DLGAP2: variants seen among roughly 807,000 people sequenced by gnomAD.
The protein encoded by DLGAP2 is DLG associated protein 2, also known as disks large-associated protein 2.
DLGAP2 carries 26 observed loss-of-function variants against 100.3 expected under a neutral mutation model. The ratio of observed to expected loss-of-function variants is 0.26; its 90% CI spans 0.19 to 0.36. The LOEUF is 0.36. DLGAP2 is among the 10% of genes least tolerant of loss of function. DLGAP2 has a pLI of 1.00. For synonymous variants in DLGAP2, 886 were observed against 630.1 expected, an observed-to-expected ratio of 1.41 and a Z score of -6.08; for missense variants, 1,858 against 1,453.2, an observed-to-expected ratio of 1.28 and a Z score of -4.53.
intron 2 of DLGAP2, among the ~76,000 whole-genome samples, chr8:1,146,818 C>T (rs1414264433): frequency 6.6e-6 from 1 of 152,234 alleles, no homozygotes; most frequent in Non-Finnish European, 1.5e-5. Context: ...AGTCCCCACA[C>T]AAGGGTAGGC....
chr8:1,178,960 G>T (rs373055293), intron 2 of DLGAP2, among the ~76,000 whole-genome samples: 15 of 151,292 alleles, frequency 9.9e-5, no homozygotes, highest in African/African-American at 3.4e-4. Context: ...CGCCGCCCTG[G>T]TCTCGTCTCC....
intron 2 of DLGAP2, among the ~76,000 whole-genome samples, chr8:1,128,573 G>A (rs1006361325): frequency 6.6e-6 from 1 of 152,188 alleles, no homozygotes; most frequent in Non-Finnish European, 1.5e-5. Flanking sequence ...CTGGGTGTGC[G>A]GCAGGCTCAA....
At chr8:1,146,724 T>C (rs13249033) in intron 2 of DLGAP2, among the ~76,000 whole-genome samples, 133,957 of 152,204 alleles carry the variant, frequency 0.88, 59,058 homozygotes, top group African/African-American at 0.9. Context: ...TTCCTTTTCC[T>C]AAGGCATATC....
At chr8:1,650,232 T>C (rs1310598826) in intron 8 of DLGAP2, among the ~76,000 whole-genome samples, 1 of 152,242 alleles carries the variant, frequency 6.6e-6, no homozygotes. Flanking sequence ...GTGTATAAGA[T>C]AATGGAGAGG....
At chr8:1,002,415 G>C (rs1800986087) in intron 2 of DLGAP2, 1 of 152,216 alleles carries the variant, frequency 6.6e-6, no homozygotes, top group Non-Finnish European at 1.5e-5. Flanking sequence ...TATTTAAAAA[G>C]AGCCAAGCCT....
chr8:1,220,701 G>C (rs1192990081), intron 2 of DLGAP2, among the ~76,000 whole-genome samples: 1 of 152,302 alleles, frequency 6.6e-6, no homozygotes, highest in Middle Eastern at 3.4e-3. Flanking sequence ...TCAGTGAGAT[G>C]TTAAAATCTC....
chr8:1,192,941 T>C (rs943391838), intron 2 of DLGAP2, among the ~76,000 whole-genome samples: 2 of 152,060 alleles, frequency 1.3e-5, no homozygotes, highest in African/African-American at 2.4e-5. Context: ...TTTGTCCTTG[T>C]GATAGTTTGC....
At chr8:1,663,566 T>G (rs1476761312) in intron 8 of DLGAP2, among the ~76,000 whole-genome samples, 6 of 152,234 alleles carry the variant, frequency 3.9e-5, no homozygotes, top group African/African-American at 1.4e-4. Context: ...CAGAAAGAAG[T>G]GTGTGAGATT....
At chr8:1,301,237 C>T (rs1205019928) in intron 3 of DLGAP2, 1 of 152,320 alleles carries the variant, frequency 6.6e-6, no homozygotes, top group African/African-American at 2.4e-5. Flanking sequence ...GGAGCTGGAC[C>T]TGAGCCCTCC....
rs142073407 is a variant in DLGAP2 at position 839,676 on chromosome 8, C to T, written c.19-68236C>T. ...TGGTGCCACCTGTCCCTCTGTGTGC[C>T]TCGTCCTGGTCAGCACCCTTGCTCC... is the stretch of plus-strand genomic sequence containing the variant. On this transcript the variant is annotated intron_variant, in intron 1 of 14. Coordinates refer to ENST00000637795, the MANE Select transcript of DLGAP2 (RefSeq NM_001346810.2). Among the ~76,000 whole-genome samples the T allele has an allele frequency of 5.9e-5, 9 of 152,274 alleles. No homozygotes were observed. In the East Asian group the frequency reaches 1.7e-3, roughly 30 times the overall value.
chr8:1,459,852 A>C (rs1003156410), intron 3 of DLGAP2, among the ~76,000 whole-genome samples: 1 of 151,814 alleles, frequency 6.6e-6, no homozygotes, highest in Non-Finnish European at 1.5e-5. Flanking sequence ...CGCCCGGCTA[A>C]TTTTTGTGTT....
At chr8:929,089 A>C (rs189798858) in intron 2 of DLGAP2, among the ~76,000 whole-genome samples, 573 of 9,810 alleles carry the variant, frequency 0.058, 41 homozygotes, top group East Asian at 0.099. Context: ...CCCTCTAAAC[A>C]TCCCAGACCC....
chr8:1,455,978 C>T (rs1798300044), intron 3 of DLGAP2, among the ~76,000 whole-genome samples: 1 of 152,210 alleles, frequency 6.6e-6, no homozygotes, highest in Non-Finnish European at 1.5e-5. Flanking sequence ...TACACATCAT[C>T]TTGTCTTAAA....
rs191113631 is a variant in DLGAP2 at position 896,655 on chromosome 8, A to C, written c.19-11257A>C. The stretch of plus-strand genomic sequence containing the variant: ...TATTCGTGCCCTTGTAGGAAGAGGA[A>C]GAGACCAAGTACTGTCTTCTATGGG... On this transcript the variant is annotated intron_variant, in intron 1 of 14. Coordinates refer to ENST00000637795, the MANE Select transcript of DLGAP2 (RefSeq NM_001346810.2). Among the ~76,000 whole-genome samples the C allele has an allele frequency of 8.0e-4, 122 of 152,186 alleles. 1 individual carries two copies. The highest frequency in any genetic ancestry group is 2.8e-3 in the African/African-American group (117 of 41,526).
chr8:1,363,040 C>G (rs1172784141), intron 3 of DLGAP2, among the ~76,000 whole-genome samples: 1 of 152,222 alleles, frequency 6.6e-6, no homozygotes. Context: ...ACCAGATCCT[C>G]TAAGCTTTAA....
intron 2 of DLGAP2, among the ~76,000 whole-genome samples, chr8:963,664 T>C (rs557995103): frequency 5.3e-5 from 8 of 151,308 alleles, no homozygotes; most frequent in Non-Finnish European, 1.5e-5. Flanking sequence ...CCCCAGGACC[T>C]ACTCTTGCTC....
chr8:811,167 C>A (rs569094735), intron 1 of DLGAP2, among the ~76,000 whole-genome samples: 2 of 152,264 alleles, frequency 1.3e-5, no homozygotes, highest in African/African-American at 4.8e-5. Flanking sequence ...CCTGTGGGCG[C>A]GAGCAAGTAA....
intron 2 of DLGAP2, among the ~76,000 whole-genome samples, chr8:1,026,275 CGCGCTT>C (rs1801797726): frequency 1.3e-5 from 2 of 152,344 alleles, no homozygotes; most frequent in African/African-American, 4.8e-5. Flanking sequence ...TCTGAGATGG[CGCGCTT>C]GCCCCATGAC....
chr8:1,070,331 G>A (rs1275668216), intron 2 of DLGAP2, among the ~76,000 whole-genome samples: 1 of 152,204 alleles, frequency 6.6e-6, no homozygotes, highest in Non-Finnish European at 1.5e-5. Flanking sequence ...TGTGTCCCGG[G>A]TGCCTGGTGA....
Sources: allele counts gnomAD v4.1 joint callset (sites outside exome capture counted in the v4.1 genomes callset), GRCh38; gene constraint gnomAD v4.1.1; transcripts MANE v1.5; gene names NCBI Gene and HGNC (gene_info 2026-07-23, HGNC 2026-07-21).